Variants in CMTM8 observed in about 807,000 individuals in gnomAD.
CMTM8 encodes the protein CKLF-like MARVEL transmembrane domain-containing protein 8.
In CMTM8, 12 loss-of-function variants were observed where a neutral mutation model predicts 18.6. That is an observed-to-expected ratio of 0.65 (90% confidence interval 0.41 to 1.05). The LOEUF is 1.05. Ranked by LOEUF, CMTM8 falls within the 50% of genes least tolerant of loss-of-function variation. CMTM8 has a pLI of 0.00. For synonymous variants in CMTM8, 87 were observed against 90.6 expected, an observed-to-expected ratio of 0.96 and a Z score of 0.23; for missense variants, 217 against 227.2, an observed-to-expected ratio of 0.95 and a Z score of 0.29.
At chr3:32,302,988 C>A (rs1361085179) in intron 1 of CMTM8, among the ~76,000 whole-genome samples, 1 of 152,130 alleles carries the variant, frequency 6.6e-6, no homozygotes. Flanking sequence ...TTTATTAAAC[C>A]AATTTCGTCT....
chr3:32,293,872 G>A (rs544404560), intron 1 of CMTM8, among the ~76,000 whole-genome samples: 2 of 152,182 alleles, frequency 1.3e-5, no homozygotes, highest in African/African-American at 4.8e-5. Flanking sequence ...TGCTCTGTGA[G>A]TAAGCCTGTT....
intron 1 of CMTM8, among the ~76,000 whole-genome samples, chr3:32,292,114 T>C (rs549940983): frequency 6.6e-6 from 1 of 152,210 alleles, no homozygotes. Flanking sequence ...TGTTTTGTGT[T>C]TCAAGGAGAG....
At chr3:32,295,455 C>CAAAAAAAA (rs1400148634) in intron 1 of CMTM8, among the ~76,000 whole-genome samples, 15 of 27,478 alleles carry the variant, frequency 5.5e-4, no homozygotes, top group East Asian at 3.0e-3. Flanking sequence ...GACTCCATCT[C>CAAAAAAAA]AAAAAAAAAA....
At chr3:32,246,253 A>G (rs759184311) in intron 1 of CMTM8, among the ~76,000 whole-genome samples, 51 of 152,104 alleles carry the variant, frequency 3.4e-4, no homozygotes, top group Non-Finnish European at 1.5e-4. Flanking sequence ...CCCCCCTGCC[A>G]TCTGATGTCC....
At chr3:32,337,518 G>A (rs1449924518) in intron 1 of CMTM8, among the ~76,000 whole-genome samples, 3 of 152,178 alleles carry the variant, frequency 2.0e-5, no homozygotes, top group Non-Finnish European at 4.4e-5. Flanking sequence ...CTCTGATTCT[G>A]GGGGAAGATT....
intron 3 of CMTM8, 70 bp downstream of exon 3, chr3:32,368,058 C>T: frequency 9.4e-7 from 1 of 1,066,090 alleles, no homozygotes; most frequent in South Asian, 1.3e-5. Flanking sequence ...TTGGGGAAGA[C>T]AGAGTCATCT....
At chr3:32,321,090 A>G (rs1288913195) in intron 1 of CMTM8, among the ~76,000 whole-genome samples, 2 of 152,132 alleles carry the variant, frequency 1.3e-5, no homozygotes, top group African/African-American at 2.4e-5. Context: ...TCAGCTAAAG[A>G]CAGGCCCTTT....
At chr3:32,302,623 T>C (rs1441551162) in intron 1 of CMTM8, among the ~76,000 whole-genome samples, 3 of 152,168 alleles carry the variant, frequency 2.0e-5, no homozygotes, top group Non-Finnish European at 4.4e-5. Flanking sequence ...AGAAGTGGAC[T>C]TGTGAGTGCT....
chr3:32,260,055 TG>T, intron 1 of CMTM8: 1 of 1,144,478 alleles, frequency 8.7e-7, no homozygotes, highest in Non-Finnish European at 1.3e-6. Flanking sequence ...AAGGTCAAGC[TG>T]GAGGCTGAGA....
At chr3:32,242,359 A>C (rs977700502) in intron 1 of CMTM8, among the ~76,000 whole-genome samples, 1 of 152,030 alleles carries the variant, frequency 6.6e-6, no homozygotes, top group Non-Finnish European at 1.5e-5. Flanking sequence ...ACAGTGTCTT[A>C]CTCTGTCATC....
At chr3:32,318,055 C>CAAAAA (rs60403582) in intron 1 of CMTM8, among the ~76,000 whole-genome samples, 11 of 85,790 alleles carry the variant, frequency 1.3e-4, no homozygotes, top group Non-Finnish European at 1.7e-4. Context: ...AACTCTGTCT[C>CAAAAA]AAAAAAAAAA....
chr3:32,253,062 T>C (rs1459811361), intron 1 of CMTM8, among the ~76,000 whole-genome samples: 1 of 152,348 alleles, frequency 6.6e-6, no homozygotes, highest in Non-Finnish European at 1.5e-5. Context: ...GTTTGTTTAC[T>C]TCCATTGGCT....
intron 1 of CMTM8, among the ~76,000 whole-genome samples, chr3:32,273,129 A>ATGTGTGTGTGTGTGTGTGTGTGTGTG (rs60162265): frequency 9.8e-5 from 14 of 143,026 alleles, no homozygotes; most frequent in Non-Finnish European, 1.7e-4. Flanking sequence ...ATTGGAACAA[A>ATGTGTGTGTGTGTGTGTGTGTGTGTG]TGTGTGTGTG....
At chr3:32,303,670 G>A (rs1559374700) in intron 1 of CMTM8, among the ~76,000 whole-genome samples, 1 of 151,598 alleles carries the variant, frequency 6.6e-6, no homozygotes, top group Non-Finnish European at 1.5e-5. Context: ...CTGCAGGAAA[G>A]TAGAACAATA....
intron 1 of CMTM8, among the ~76,000 whole-genome samples, chr3:32,346,597 G>A (rs975581024): frequency 8.6e-6 from 1 of 115,844 alleles, no homozygotes; most frequent in African/African-American, 3.2e-5. Flanking sequence ...AGTGGAGAAA[G>A]CATGAGAGGA....
intron 1 of CMTM8, among the ~76,000 whole-genome samples, chr3:32,263,680 G>A (rs1702290584): frequency 6.6e-6 from 1 of 152,108 alleles, no homozygotes; most frequent in South Asian, 2.1e-4. Flanking sequence ...CGAACCCATG[G>A]TAAGGAAGTT....
chr3:32,247,577 C>G (rs188840734), intron 1 of CMTM8, among the ~76,000 whole-genome samples: 72 of 152,152 alleles, frequency 4.7e-4, no homozygotes, highest in Non-Finnish European at 7.9e-4. Context: ...CCACCCACCT[C>G]GACCTCCCCA....
At chr3:32,336,340 A>T (rs1696386579) in intron 1 of CMTM8, among the ~76,000 whole-genome samples, 2 of 152,328 alleles carry the variant, frequency 1.3e-5, no homozygotes, top group African/African-American at 4.8e-5. Flanking sequence ...GTCGGCACAA[A>T]TCAAGGCTTG....
intron 1 of CMTM8, among the ~76,000 whole-genome samples, chr3:32,308,080 A>G (rs1319228202): frequency 6.6e-6 from 1 of 152,260 alleles, no homozygotes; most frequent in Non-Finnish European, 1.5e-5. Context: ...CAGGGTGTTG[A>G]GGATTTTTCC....
Sources: allele counts gnomAD v4.1 joint callset (sites outside exome capture counted in the v4.1 genomes callset), GRCh38; gene constraint gnomAD v4.1.1; transcripts MANE v1.5; gene names NCBI Gene and HGNC (gene_info 2026-07-23, HGNC 2026-07-21).